The following RBBP8NL variants were observed in gnomAD, a reference collection of about 807,000 sequenced individuals.
RBBP8NL encodes RBBP8 N-terminal-like protein.
RBBP8NL carries 59 observed loss-of-function variants against 62.2 expected under a neutral mutation model. That is an observed-to-expected ratio of 0.95 (90% CI 0.77 to 1.18). The LOEUF (loss-of-function observed/expected upper bound fraction) is 1.18, where lower values mean the gene tolerates loss of function less well. RBBP8NL is among the 50% of genes most tolerant of loss of function. The pLI, the probability that RBBP8NL is intolerant of heterozygous loss-of-function variation, is 0.00. For synonymous variants in RBBP8NL, 412 were observed against 394.1 expected (o/e 1.05, Z -0.54); for missense variants, 896 against 899.5 (o/e 1.00, Z 0.05).
At chr20:62,411,129 C>A (rs1988425337) in intron 13 of RBBP8NL, 133 bp from the exon 14 acceptor site, 1 of 671,612 alleles carries the variant, frequency 1.5e-6, no homozygotes, top group Non-Finnish European at 2.7e-6. Context: ...GCTGGCCACC[C>A]TTGTTCCTAC....
chr20:62,415,113 G>A lies in RBBP8NL; in HGVS notation c.794+8C>T. ...GCTACTCTGGGTGAGGGTGGGGCAG[G>A]CGGGCACCTGTCCAGGGAGAGGCCA... On this transcript the variant is annotated splice_region_variant and intron_variant, in intron 9 of 13. Transcript: ENST00000252998. 6.8e-7 allele frequency: 1 copy of A among 1,460,498 alleles called. No homozygotes were observed. The highest frequency in any genetic ancestry group is 9.1e-7 in the Non-Finnish European group (1 of 1,102,740). The allele number at this position is 1,460,498 out of a possible 1,614,324, so 90.5% of individuals were successfully genotyped here. A position where few individuals can be genotyped will look rare whatever the true frequency, so the allele number is the denominator to read the frequency against.
chr20:62,414,985 G>T, intron 9 of RBBP8NL, 136 bp downstream of exon 9: 1 of 970,614 alleles, frequency 1.0e-6, no homozygotes, highest in Non-Finnish European at 1.4e-6. Context: ...CTTTGCTCCA[G>T]GCTGGGTGCC....
rs370604614 is a variant in RBBP8NL at position 62,424,633 on chromosome 20, T to G, written c.-84+2827A>C. Among the ~76,000 whole-genome samples the G allele has an allele frequency of 2.8e-3, 420 of 152,268 alleles. 3 individuals carry two copies. The highest frequency in any genetic ancestry group is 9.4e-3 in the African/African-American group (389 of 41,554). On this transcript the variant is annotated intron_variant, in intron 1 of 13. Coordinates refer to ENST00000252998, the MANE Select transcript of RBBP8NL (RefSeq NM_080833.3). ...GGACAGGGCCCAGGAGAGCCCTCCA[T>G]GGGGAGCCTGAGGCTGGCAGACCAC...
intron 1 of RBBP8NL, among the ~76,000 whole-genome samples, chr20:62,422,579 GC>G: frequency 6.9e-6 from 1 of 145,892 alleles, no homozygotes; most frequent in South Asian, 2.2e-4. Context: ...GGTGGGGATG[GC>G]GACTGGGGTG....
intron 2 of RBBP8NL, 104 bp from the exon 3 acceptor site, chr20:62,418,569 C>G: frequency 8.7e-7 from 1 of 1,143,892 alleles, no homozygotes; most frequent in African/African-American, 1.5e-5. Flanking sequence ...GCACTCCTGT[C>G]CCCTGCACCC....
intron 11 of RBBP8NL, 64 bp downstream of exon 11, chr20:62,413,337 C>A: frequency 7.3e-7 from 1 of 1,370,666 alleles, no homozygotes; most frequent in Non-Finnish European, 9.4e-7. Flanking sequence ...CACTGACCAC[C>A]ACCCTCTCTC....
At chr20:62,423,804 T>C (rs1228146736) in intron 1 of RBBP8NL, among the ~76,000 whole-genome samples, 1 of 151,982 alleles carries the variant, frequency 6.6e-6, no homozygotes, top group Non-Finnish European at 1.5e-5. Context: ...TGGAGGGAAG[T>C]TGCAAGCCTT....
intron 1 of RBBP8NL, among the ~76,000 whole-genome samples, chr20:62,420,393 C>G (rs1049425023): frequency 1.4e-5 from 2 of 147,894 alleles, no homozygotes; most frequent in African/African-American, 5.2e-5. Context: ...CACACACACA[C>G]AGATAGCATG....
chr20:62,412,076 G>C (rs565519082), intron 13 of RBBP8NL, among the ~76,000 whole-genome samples: 1 of 152,246 alleles, frequency 6.6e-6, no homozygotes, highest in African/African-American at 2.4e-5. Flanking sequence ...GGCTCCTGCC[G>C]GCATTACTGG....
intron 1 of RBBP8NL, among the ~76,000 whole-genome samples, chr20:62,420,350 G>GCACACACA (rs55946617): frequency 4.6e-4 from 60 of 129,840 alleles, no homozygotes; most frequent in Non-Finnish European, 7.0e-4. Context: ...TGTCCCACAG[G>GCACACACA]CACACACACA....
At chr20:62,411,128 C>T in intron 13 of RBBP8NL, 132 bp from the exon 14 acceptor site, 3 of 674,322 alleles carry the variant, frequency 4.4e-6, no homozygotes, top group Non-Finnish European at 7.9e-6. Flanking sequence ...TGCTGGCCAC[C>T]CTTGTTCCTA....
At chr20:62,425,642 G>A (rs1183672064) in intron 1 of RBBP8NL, among the ~76,000 whole-genome samples, 6 of 152,224 alleles carry the variant, frequency 3.9e-5, no homozygotes, top group Admixed American at 3.9e-4. Flanking sequence ...GGCATCACTG[G>A]GCTCCCCGCC....
In RBBP8NL at chr20:62,412,712, G is replaced by T. The variant is rs775357160; in HGVS notation, c.1788C>A (p.Thr596=). The T allele has an allele frequency of 1.9e-6, 3 of 1,610,780 alleles. No homozygotes were observed. The highest frequency in any genetic ancestry group is 1.1e-5 in the South Asian group (1 of 91,086). Residue 596 remains threonine (T), a synonymous_variant, in exon 13 of 14, where the codon ACC becomes ACA. Transcript: ENST00000252998. ...TGCAGATGCACTCAGGCCCCTCCCC[G>T]GTCGTGCTCGTAGTGGCCTCCGCCT... ...SSQAEATTST[T]GEGPECICTQ...
chr20:62,418,599 G>T, intron 2 of RBBP8NL, 134 bp from the exon 3 acceptor site: 1 of 893,938 alleles, frequency 1.1e-6, no homozygotes, highest in Non-Finnish European at 1.8e-6. Flanking sequence ...GCCCTGCCAG[G>T]TGAGCCCCTG....
rs779242362 is a variant in RBBP8NL at position 62,413,842 on chromosome 20, C to T, written c.1509G>A (p.Gln503=). Residue 503 remains glutamine (Q), a synonymous_variant, in exon 10 of 14, where the codon CAG becomes CAA. Coordinates refer to ENST00000252998, the MANE Select transcript of RBBP8NL (RefSeq NM_080833.3). ...TTACCATGGGAGTGGAAGCCTCCTC[C>T]TGCTCTGGCACTCTGGTCCCCTTGG... ...NGTKGTRVPE[Q]EEASTPMDPS... is the part of the protein sequence containing the mutation. 1.3e-6 allele frequency: 2 copies of T among 1,597,836 alleles called. No individual in the cohort carries two copies. The highest frequency in any genetic ancestry group is 1.7e-5 in the Admixed American group (1 of 58,024).
intron 9 of RBBP8NL, 116 bp downstream of exon 9, chr20:62,415,005 C>G: frequency 8.4e-7 from 1 of 1,197,002 alleles, no homozygotes; most frequent in Non-Finnish European, 1.1e-6. Flanking sequence ...CCAGAAAAAG[C>G]CAAGCCAGAG....
At chr20:62,411,345 C>T (rs1988431180) in intron 13 of RBBP8NL, among the ~76,000 whole-genome samples, 1 of 152,206 alleles carries the variant, frequency 6.6e-6, no homozygotes, top group Admixed American at 6.5e-5. Context: ...GCTAGGGCCA[C>T]ATGGGAGGGG....
At chr20:62,419,465 G>T (rs1360637926) in intron 2 of RBBP8NL, 122 bp downstream of exon 2, 2 of 1,040,852 alleles carry the variant, frequency 1.9e-6, no homozygotes, top group East Asian at 5.0e-5. Context: ...AAAAAGACGG[G>T]GTCCATTCCC....
In RBBP8NL at chr20:62,419,639, G is replaced by T. The variant is rs1198675502; in HGVS notation, c.9C>A (p.Ser3Arg). 2 of 1,613,210 alleles carry T rather than the reference G, an allele frequency of 1.2e-6. No homozygotes were observed. The highest frequency in any genetic ancestry group is 1.7e-5 in the Admixed American group (1 of 60,006). ...TCAGCCTGTTCAGCGACTCCATGAA[G>T]CTCTCCATGGCTCCCTGTGGCCCTG... MESFMESLNRLKE... is the reference protein window; with the variant it reads MERFMESLNRLKE... The change falls in exon 2 of 14, where the codon AGC becomes AGA. Residue 3 changes from serine to arginine, a missense_variant. Coordinates refer to ENST00000252998, the MANE Select transcript of RBBP8NL (RefSeq NM_080833.3).
Sources: allele counts gnomAD v4.1 joint callset (sites outside exome capture counted in the v4.1 genomes callset), GRCh38; gene constraint gnomAD v4.1.1; transcripts MANE v1.5; gene names NCBI Gene and HGNC (gene_info 2026-07-23, HGNC 2026-07-21).